Variants in TCEA3 observed in about 807,000 individuals in gnomAD.
The protein encoded by TCEA3 is transcription elongation factor A protein 3.
A neutral mutation model predicts 44.0 loss-of-function variants in TCEA3; 36 were observed. The ratio of observed to expected loss-of-function variants is 0.82; its 90% confidence interval spans 0.63 to 1.08. TCEA3 has a LOEUF of 1.08. TCEA3 is among the 50% of genes least tolerant of loss of function. The pLI is 0.00. For missense variants in TCEA3, 392 were observed against 441.2 expected (o/e 0.89, Z 1.00); for synonymous variants, 162 against 159.7 (o/e 1.01, Z -0.11).
At chr1:23,423,768 A>G (rs2148589884) in intron 1 of TCEA3, 1 of 456,016 alleles carries the variant, frequency 2.2e-6, no homozygotes, top group Non-Finnish European at 4.4e-6. Flanking sequence ...AGCCCCAGGC[A>G]AAGATCACGG....
intron 7 of TCEA3, among the ~76,000 whole-genome samples, chr1:23,394,567 A>T (rs1275399038): frequency 6.6e-6 from 1 of 152,208 alleles, no homozygotes; most frequent in Non-Finnish European, 1.5e-5. Flanking sequence ...GGCTCTACGA[A>T]GTATTGCAAA....
chr1:23,393,742 G>T (rs568794458), intron 8 of TCEA3, 137 bp downstream of exon 8: 123 of 1,162,242 alleles, frequency 1.1e-4, no homozygotes, highest in Middle Eastern at 5.6e-4. Flanking sequence ...CAGAGCCCAG[G>T]GGGGAGGCTG....
chr1:23,391,789 G>A (rs1284177399), intron 8 of TCEA3, among the ~76,000 whole-genome samples: 2 of 152,126 alleles, frequency 1.3e-5, no homozygotes, highest in African/African-American at 2.4e-5. Flanking sequence ...CGGGCATGGT[G>A]GCACACCCCT....
chr1:23,404,099 G>C lies in TCEA3; in HGVS notation c.443+4565C>G, dbSNP rs1335632395. The stretch of plus-strand genomic sequence containing the variant: ...GTCTGAGTAGAGGCATCTGGAGGCC[G>C]GGCCCGCTGCTTCTGTGCGCCACCT... On this transcript the variant is annotated intron_variant, in intron 5 of 10. Coordinates refer to ENST00000450454, the MANE Select transcript of TCEA3 (RefSeq NM_003196.3). 6 of 702,234 alleles carry C rather than the reference G, an allele frequency of 8.5e-6. No individual in the cohort carries two copies. In the South Asian group the frequency reaches 8.9e-5, roughly 10 times the overall value. The allele number at this position is 702,234 out of a possible 1,614,324, so 43.5% of individuals were successfully genotyped here.
chr1:23,423,906 G>A (rs1200208084), intron 1 of TCEA3: 2 of 454,718 alleles, frequency 4.4e-6, no homozygotes, highest in Non-Finnish European at 8.8e-6. Context: ...CGCTGCACAG[G>A]CCTCCAGCCC....
At chr1:23,399,669 CTTT>C (rs1216114957) in intron 5 of TCEA3, among the ~76,000 whole-genome samples, 6 of 139,146 alleles carry the variant, frequency 4.3e-5, no homozygotes, top group African/African-American at 5.3e-5. Flanking sequence ...TGTGAGAAAC[CTTT>C]TTTTTTTTTT....
chr1:23,393,751 T>C, intron 8 of TCEA3, 128 bp downstream of exon 8: 1 of 1,257,444 alleles, frequency 8.0e-7, no homozygotes, highest in South Asian at 1.5e-5. Flanking sequence ...GGGGGGAGGC[T>C]GAGATGAGGC....
At chr1:23,415,618 G>A (rs528382459) in intron 4 of TCEA3, among the ~76,000 whole-genome samples, 1 of 152,342 alleles carries the variant, frequency 6.6e-6, no homozygotes, top group Non-Finnish European at 1.5e-5. Flanking sequence ...AGGGGACCAT[G>A]CTGCTACAAA....
chr1:23,397,979 AC>A (rs1196693391), intron 5 of TCEA3, 24 bp from the exon 6 acceptor site: 1 of 1,611,940 alleles, frequency 6.2e-7, no homozygotes, highest in Non-Finnish European at 8.5e-7. Flanking sequence ...TAAGTAACAG[AC>A]ATTTGACATT....
chr1:23,391,208 G>T (rs1639017970), intron 8 of TCEA3, among the ~76,000 whole-genome samples: 1 of 146,630 alleles, frequency 6.8e-6, no homozygotes, highest in South Asian at 2.2e-4. Context: ...TGCCTCCTGG[G>T]TTCAAGCGAT....
At chr1:23,399,144 G>GTATATATATATATATATATA (rs60424866) in intron 5 of TCEA3, among the ~76,000 whole-genome samples, 14 of 61,144 alleles carry the variant, frequency 2.3e-4, no homozygotes, top group Non-Finnish European at 4.1e-4. Context: ...ATGTATATAT[G>GTATATATATATATATATATA]TATATATATA....
rs1165371999 is a variant in TCEA3, at chr1:23,397,924, G to A, written c.475C>T (p.Pro159Ser). The A allele has an allele frequency of 6.2e-7, 1 of 1,613,674 alleles. No individual in the cohort carries two copies. Among genetic ancestry groups the A allele is most frequent in the South Asian group, 1.1e-5 (1 of 91,048 alleles). Residue 159 changes from proline (P) to serine (S), a missense_variant, in exon 6 of 11, where the codon CCC becomes TCC. Pro to Ser is a moderately conservative substitution (Grantham distance 74). Transcript: ENST00000450454. ...SNSSKSKAES[P>S]KTPSSPLTPT... ...GTCAAGGGGCTGCTAGGTGTTTTGG[G>A]GCTCTCCGCTTTTGATTTGCTGCTG...
chr1:23,397,895 G>A lies in TCEA3; in HGVS notation c.504C>T (p.Pro168=). Residue 168 remains proline, a synonymous_variant, in exon 6 of 11, where the codon CCC becomes CCT. Transcript: ENST00000450454. ...GGAGACACATGGAAGAGGCAAACGT[G>A]GGGGTCAAGGGGCTGCTAGGTGTTT... ...SPKTPSSPLT[P]TFASSMCLLA... is the part of the protein sequence containing the mutation. 1 of 1,613,808 alleles carries A rather than the reference G, an allele frequency of 6.2e-7. No homozygotes were observed. The highest frequency in any genetic ancestry group is 8.5e-7 in the Non-Finnish European group (1 of 1,179,830).
intron 4 of TCEA3, chr1:23,411,390 T>A (rs1217318063): frequency 6.2e-6 from 1 of 161,060 alleles, no homozygotes; most frequent in Non-Finnish European, 1.4e-5. Context: ...ACTTCTGACC[T>A]CAAGTGATCT....
chr1:23,397,465 C>G, intron 7 of TCEA3, 80 bp downstream of exon 7: 1 of 1,365,086 alleles, frequency 7.3e-7, no homozygotes. Flanking sequence ...TCCTTCCTCA[C>G]TCTCCCAGCT....
chr1:23,402,925 A>G lies in TCEA3; in HGVS notation c.444-4970T>C, dbSNP rs145595025. Among the ~76,000 whole-genome samples the G allele has an allele frequency of 2.9e-4, 44 of 152,168 alleles. No homozygotes were observed. In the East Asian group the frequency reaches 8.5e-3, roughly 29 times the overall value. On this transcript the variant is annotated intron_variant, in intron 5 of 10. Coordinates refer to ENST00000450454, the MANE Select transcript of TCEA3 (RefSeq NM_003196.3). ...GAAAGGCACACCCAGAGGGTCCCCC[A>G]GGGCTGAAATGTGGAAAGAGGAAGG...
Position 23,399,138 on chromosome 1 carries a change from A to G in TCEA3, c.444-1183T>C, listed in dbSNP as rs974192050. ...ATTCAGGTTTTGTTTATATATATGT[A>G]TATATGTATATATATATATATATAT... is the stretch of plus-strand genomic sequence containing the variant. On this transcript the variant is annotated intron_variant, in intron 5 of 10. Transcript: ENST00000450454. 7.5e-3 allele frequency among the ~76,000 whole-genome samples: 539 copies of G among 72,266 alleles called. 7 individuals are homozygous for G. Among genetic ancestry groups the G allele is most frequent in the African/African-American group, 0.044 (514 of 11,552 alleles). 47.4% of individuals were successfully genotyped at this position (72,266 alleles called of 152,430 possible).
intron 5 of TCEA3, among the ~76,000 whole-genome samples, chr1:23,405,809 T>G (rs1017376087): frequency 6.6e-6 from 1 of 152,178 alleles, no homozygotes; most frequent in Non-Finnish European, 1.5e-5. Context: ...AATCCTTACA[T>G]GAATGTCGAG....
At chr1:23,400,717 C>T (rs1639373992) in intron 5 of TCEA3, among the ~76,000 whole-genome samples, 1 of 152,084 alleles carries the variant, frequency 6.6e-6, no homozygotes, top group Admixed American at 6.5e-5. Context: ...AATTAAGGTC[C>T]CCTCCTGGAG....
Sources: gnomAD v4.1 joint callset for allele counts (sites outside exome capture counted in the v4.1 genomes callset) on GRCh38, gnomAD v4.1.1 for gene constraint, MANE v1.5 for transcripts, NCBI Gene and HGNC (gene_info 2026-07-23, HGNC 2026-07-21) for gene names.